The following CSMD1 variants were observed in gnomAD, a reference collection of about 807,000 sequenced individuals.
The protein encoded by CSMD1 is CUB and Sushi multiple domains 1.
Under a neutral mutation model 417.5 loss-of-function variants are expected in CSMD1, and 213 were observed. The observed-to-expected ratio is 0.51, with a 90% CI of 0.46 to 0.57. The LOEUF (loss-of-function observed/expected upper bound fraction) is 0.57, where lower values mean the gene tolerates loss of function less well. Ranked by LOEUF, CSMD1 falls within the 20% of genes least tolerant of loss-of-function variation. The probability of loss-of-function intolerance (pLI) is 0.00; values close to 1 mark genes in which losing one functional copy is unlikely to be tolerated. For synonymous variants in CSMD1, 2,862 were observed against 1,736.8 expected, an observed-to-expected ratio of 1.65 and a Z score of -16.11; for missense variants, 6,923 against 4,529.7, an observed-to-expected ratio of 1.53 and a Z score of -15.17.
At chr8:4,919,222 A>G (rs746399393) in intron 1 of CSMD1, among the ~76,000 whole-genome samples, 4 of 152,236 alleles carry the variant, frequency 2.6e-5, no homozygotes, top group Non-Finnish European at 5.9e-5. Context: ...TTTGTAATTT[A>G]GTCATAGCTA....
intron 69 of CSMD1, among the ~76,000 whole-genome samples, chr8:2,939,233 A>C (rs1282904584): frequency 6.6e-6 from 1 of 152,248 alleles, no homozygotes; most frequent in East Asian, 1.9e-4. Context: ...TAAGACACGA[A>C]ACTTTCTACT....
chr8:4,594,354 C>G (rs79361548), intron 2 of CSMD1, among the ~76,000 whole-genome samples: 1 of 151,954 alleles, frequency 6.6e-6, no homozygotes, highest in Non-Finnish European at 1.5e-5. Context: ...CAGGCGCCAG[C>G]ATGCCTGGCT....
At chr8:3,646,457 A>C (rs1797576649) in intron 7 of CSMD1, among the ~76,000 whole-genome samples, 1 of 152,214 alleles carries the variant, frequency 6.6e-6, no homozygotes, top group Non-Finnish European at 1.5e-5. Context: ...ATAAGGGAAA[A>C]TCGCACCTAT....
At chr8:3,716,152 C>G (rs1801819896) in intron 6 of CSMD1, among the ~76,000 whole-genome samples, 1 of 152,192 alleles carries the variant, frequency 6.6e-6, no homozygotes, top group Non-Finnish European at 1.5e-5. Flanking sequence ...TTCTAATTCA[C>G]TGGCCGCTCC....
intron 2 of CSMD1, among the ~76,000 whole-genome samples, chr8:4,534,459 ATTGTT>A (rs918241339): frequency 3.0e-4 from 45 of 152,212 alleles, no homozygotes; most frequent in African/African-American, 1.1e-3. Flanking sequence ...TATTTTTGTT[ATTGTT>A]TTAAATGTTG....
intron 3 of CSMD1, among the ~76,000 whole-genome samples, chr8:4,290,710 T>C (rs1051104811): frequency 3.3e-5 from 5 of 152,218 alleles, no homozygotes; most frequent in African/African-American, 1.2e-4. Flanking sequence ...GCATATGACA[T>C]TGATAATGTT....
chr8:4,444,422 T>C (rs542548522), intron 2 of CSMD1, among the ~76,000 whole-genome samples: 2 of 129,684 alleles, frequency 1.5e-5, no homozygotes, highest in African/African-American at 2.9e-5. Flanking sequence ...TGCTCAAAAA[T>C]GGACAACTTT....
rs1387095675 is a variant in CSMD1 at position 4,137,642 on chromosome 8, C to G, written c.416-105543G>C. ...TGTTAATTGATCACATTTTTATAAG[C>G]AGTTTCAATATAAATTCATACTGAA... On this transcript the variant is annotated intron_variant, in intron 3 of 69. Transcript: ENST00000635120. Among the ~76,000 whole-genome samples the G allele has an allele frequency of 3.1e-5, 4 of 131,084 alleles. 1 individual carries two copies. The highest frequency in any genetic ancestry group is 5.0e-5 in the African/African-American group (2 of 40,266). The allele number at this position is 131,084 out of a possible 152,430, so 86.0% of individuals were successfully genotyped here. A position where few individuals can be genotyped will look rare whatever the true frequency, so the allele number is the denominator to read the frequency against.
chr8:4,153,929 T>C (rs1221004246), intron 3 of CSMD1, among the ~76,000 whole-genome samples: 1 of 152,236 alleles, frequency 6.6e-6, no homozygotes, highest in Non-Finnish European at 1.5e-5. Flanking sequence ...CGAGGCACTG[T>C]GGATCCTGCT....
chr8:3,074,143 C>A (rs1341467427), intron 49 of CSMD1, among the ~76,000 whole-genome samples: 1 of 152,204 alleles, frequency 6.6e-6, no homozygotes, highest in Non-Finnish European at 1.5e-5. Context: ...TGTTTCCTGA[C>A]TGGCTGTGGG....
At chr8:4,484,554 T>C (rs192687125) in intron 2 of CSMD1, among the ~76,000 whole-genome samples, 1 of 152,234 alleles carries the variant, frequency 6.6e-6, no homozygotes, top group African/African-American at 2.4e-5. Context: ...AGAGTCATAC[T>C]GAATACACAG....
chr8:3,060,933 G>C (rs1053908734), intron 49 of CSMD1, among the ~76,000 whole-genome samples: 9 of 152,158 alleles, frequency 5.9e-5, no homozygotes, highest in Non-Finnish European at 1.0e-4. Context: ...GCTGTGAAGT[G>C]TCTGTCAATT....
chr8:4,672,616 A>G (rs562243175), intron 1 of CSMD1, among the ~76,000 whole-genome samples: 1 of 152,322 alleles, frequency 6.6e-6, no homozygotes, highest in South Asian at 2.1e-4. Flanking sequence ...ACGTATGCAG[A>G]AAAATTAAAA....
intron 8 of CSMD1, among the ~76,000 whole-genome samples, chr8:3,593,074 G>T (rs1039293307): frequency 6.6e-6 from 1 of 152,328 alleles, no homozygotes; most frequent in South Asian, 2.1e-4. Flanking sequence ...CCAGTGAGAA[G>T]GAATGGAGCT....
At chr8:3,440,656 T>A (rs929810403) in intron 12 of CSMD1, among the ~76,000 whole-genome samples, 1 of 152,224 alleles carries the variant, frequency 6.6e-6, no homozygotes, top group African/African-American at 2.4e-5. Flanking sequence ...CCTTGCAATT[T>A]TGAATGGACT....
At chr8:4,521,746 GGC>G (rs1319179372) in intron 2 of CSMD1, among the ~76,000 whole-genome samples, 2 of 152,118 alleles carry the variant, frequency 1.3e-5, no homozygotes, top group African/African-American at 4.8e-5. Flanking sequence ...AAGAACAGAA[GGC>G]ATAGATTAGA....
intron 3 of CSMD1, among the ~76,000 whole-genome samples, chr8:4,281,297 T>G (rs574009020): frequency 3.3e-5 from 5 of 152,222 alleles, no homozygotes; most frequent in Non-Finnish European, 7.3e-5. Context: ...GGTAGAGATA[T>G]GAAAACCTGA....
chr8:2,951,725 G>C (rs1017124467), intron 65 of CSMD1, among the ~76,000 whole-genome samples: 1 of 152,126 alleles, frequency 6.6e-6, no homozygotes, highest in African/African-American at 2.4e-5. Context: ...TATAATACGA[G>C]AGCAATGCCC....
intron 52 of CSMD1, among the ~76,000 whole-genome samples, chr8:3,007,160 G>A (rs1300446278): frequency 2.0e-5 from 3 of 149,636 alleles, no homozygotes; most frequent in Admixed American, 1.3e-4. Context: ...GCAGCCAAAA[G>A]ACACATGAAA....
Sources: gnomAD v4.1 joint callset for allele counts (sites outside exome capture counted in the v4.1 genomes callset) on GRCh38, gnomAD v4.1.1 for gene constraint, MANE v1.5 for transcripts, NCBI Gene and HGNC (gene_info 2026-07-23, HGNC 2026-07-21) for gene names.